The following FNBP1 variants were observed in gnomAD, a reference collection of about 807,000 sequenced individuals.
FNBP1 encodes the protein formin binding protein 1, also known as formin-binding protein 1.
A neutral mutation model predicts 90.6 loss-of-function variants in FNBP1; 26 were observed. That is an observed-to-expected ratio of 0.29 (90% CI 0.21 to 0.40). The LOEUF (loss-of-function observed/expected upper bound fraction) is 0.40, where lower values mean the gene tolerates loss of function less well. FNBP1 is among the 10% of genes least tolerant of loss of function. The pLI is 1.00. For synonymous variants in FNBP1, 260 were observed against 265.2 expected (o/e 0.98, Z 0.19); for missense variants, 635 against 768.0 (o/e 0.83, Z 2.05).
chr9:129,908,204 CTTTTT>C (rs60610339), intron 12 of FNBP1, among the ~76,000 whole-genome samples: 8 of 131,052 alleles, frequency 6.1e-5, no homozygotes, highest in Admixed American at 7.7e-5. Flanking sequence ...GTCTCTCTCT[CTTTTT>C]TTTTTTTTTT....
intron 1 of FNBP1, among the ~76,000 whole-genome samples, chr9:130,008,368 C>T (rs1156716131): frequency 1.3e-5 from 2 of 151,882 alleles, no homozygotes; most frequent in African/African-American, 4.8e-5. Context: ...ACCGAAAAAA[C>T]CACCTAATTT....
chr9:129,953,297 C>T (rs1235552191), intron 6 of FNBP1, among the ~76,000 whole-genome samples: 1 of 151,868 alleles, frequency 6.6e-6, no homozygotes, highest in African/African-American at 2.4e-5. Context: ...ACCAGCCTGG[C>T]CAACATGGTA....
chr9:129,978,872 T>C (rs562756188), intron 3 of FNBP1, among the ~76,000 whole-genome samples: 1 of 152,298 alleles, frequency 6.6e-6, no homozygotes. Context: ...CAAGATATAA[T>C]CCAAAATTCA....
intron 4 of FNBP1, among the ~76,000 whole-genome samples, chr9:129,968,362 T>TCCAG (rs1017611305): frequency 4.6e-5 from 6 of 129,558 alleles, no homozygotes; most frequent in African/African-American, 1.5e-4. Context: ...ACCATTGCAC[T>TCCAG]CCAGCCTGGG....
rs1395793952 is a variant in FNBP1, at chr9:129,957,597, G to C, written c.409-133C>G. 5.4e-6 allele frequency: 4 copies of C among 737,348 alleles called. No homozygotes were observed. In the African/African-American group the frequency reaches 7.1e-5, roughly 13 times the overall value. 45.7% of individuals were successfully genotyped at this position (737,348 alleles called of 1,614,324 possible). On this transcript the variant is annotated intron_variant, in intron 5 of 16. Coordinates refer to ENST00000446176, the MANE Select transcript of FNBP1 (RefSeq NM_015033.3). This position sits in a 1 kb window ranked among gnomAD's most constrained non-coding sequence, Gnocchi z 4.3. The stretch of plus-strand genomic sequence containing the variant: ...GTCAGGGTCTCACTTTGTCACCCAG[G>C]CTGGAGTGCAGTGGCGCCATCTTGG...
chr9:129,890,269 T>TAAAAAA lies in FNBP1; in HGVS notation c.*269_*270insTTTTTT. 1.9e-6 allele frequency: 1 copy of TAAAAAA among 515,860 alleles called. No homozygotes were observed. The highest frequency in any genetic ancestry group is 3.4e-6 in the Non-Finnish European group (1 of 292,062). 32.0% of individuals were successfully genotyped at this position (515,860 alleles called of 1,614,324 possible). On this transcript the variant is annotated 3_prime_UTR_variant, in exon 17 of 17. Coordinates refer to ENST00000446176, the MANE Select transcript of FNBP1 (RefSeq NM_015033.3). The surrounding 1 kb of genome is among the most constrained non-coding windows in gnomAD (Gnocchi z 5.8). ...AGGGGCGTGTGTCCCACCGTCTCAG[T>TAAAAAA]GGCCTGCGCGGGGTGGGGAGGGGGA... is the stretch of plus-strand genomic sequence containing the variant.
At chr9:129,917,752 C>T (rs1282873748) in intron 10 of FNBP1, among the ~76,000 whole-genome samples, 1 of 152,020 alleles carries the variant, frequency 6.6e-6, no homozygotes, top group Non-Finnish European at 1.5e-5. Flanking sequence ...AGGAAAGAAC[C>T]AGAAAGACAA....
chr9:129,927,146 T>C, intron 8 of FNBP1, 49 bp downstream of exon 8: 2 of 1,592,304 alleles, frequency 1.3e-6, no homozygotes, highest in Non-Finnish European at 1.7e-6. Flanking sequence ...TGGGGAGAAA[T>C]AATGGATCTG....
chr9:129,902,828 C>T (rs369638787), intron 13 of FNBP1, 41 bp downstream of exon 13: 2 of 1,607,618 alleles, frequency 1.2e-6, no homozygotes, highest in Non-Finnish European at 1.7e-6. Context: ...AACACCTGTT[C>T]TTCGTTTCCA....
chr9:130,042,831 G>A lies in FNBP1; in HGVS notation c.24+121C>T, dbSNP rs1156598829. Reference sequence around the variant, plus strand: ...GAACCCCGCCTCCTCCCCAGGCCGCGAGGACCCCGACCAGCGCGCCCTCGC... The same window carrying A: ...GAACCCCGCCTCCTCCCCAGGCCGCAAGGACCCCGACCAGCGCGCCCTCGC... On this transcript the variant is annotated intron_variant, in intron 1 of 16. Coordinates refer to ENST00000446176, the MANE Select transcript of FNBP1 (RefSeq NM_015033.3). The surrounding 1 kb of genome is among the most constrained non-coding windows in gnomAD (Gnocchi z 5.5). 5.0e-6 allele frequency: 3 copies of A among 603,692 alleles called. No homozygotes were observed. Among genetic ancestry groups the A allele is most frequent in the Admixed American group, 4.6e-5 (1 of 21,926 alleles). 37.4% of individuals were successfully genotyped at this position (603,692 alleles called of 1,614,324 possible).
chr9:130,053,607 T>C, the FNBP1 span: 1 of 378,322 alleles, frequency 2.6e-6, no homozygotes, highest in Non-Finnish European at 4.8e-6. Flanking sequence ...AGATCAGGGG[T>C]CCCCGGAGCC....
At chr9:129,914,659 GTTTA>G (rs2039927904) in intron 11 of FNBP1, among the ~76,000 whole-genome samples, 1 of 150,298 alleles carries the variant, frequency 6.7e-6, no homozygotes, top group African/African-American at 2.4e-5. Context: ...CCTAAGAAAT[GTTTA>G]TTTAATTTAA....
chr9:130,005,528 A>G lies in FNBP1; in HGVS notation c.25-10570T>C, dbSNP rs759987278. 6.8e-4 allele frequency among the ~76,000 whole-genome samples: 103 copies of G among 152,104 alleles called. No individual in the cohort carries two copies. The Middle Eastern group carries it at 0.01, about 15-fold the overall frequency. On this transcript the variant is annotated intron_variant, in intron 1 of 16. Coordinates refer to ENST00000446176, the MANE Select transcript of FNBP1 (RefSeq NM_015033.3). ...GGCTAATTTTTTGTATTTTTAGTAG[A>G]GATAGGATTTCACCATGTTAGCAAG...
Position 129,900,523 on chromosome 9 carries a change from G to A in FNBP1, c.1453C>T (p.Arg485Trp), listed in dbSNP as rs574719725. 54 of 1,581,054 alleles carry A rather than the reference G, an allele frequency of 3.4e-5. No homozygotes were observed. The highest frequency in any genetic ancestry group is 4.1e-5 in the African/African-American group (3 of 73,328). The change falls in exon 14 of 17, where the codon CGG (arginine) becomes TGG (tryptophan). Residue 485 changes from arginine (R) to tryptophan (W), a missense_variant. Coordinates refer to ENST00000446176, the MANE Select transcript of FNBP1 (RefSeq NM_015033.3). This position sits in a 1 kb window ranked among gnomAD's most constrained non-coding sequence, Gnocchi z 4.1. ...GCCTGCTCGCTGCGTGCTGGGAGCC[G>A]GCCTTCAACCTCAGCCAGCCAGGCC... Reference protein sequence around the residue: ...FEAWLAEVEGRLPARSEQARR... With the variant: ...FEAWLAEVEGWLPARSEQARR...
chr9:129,987,961 T>C (rs930915589), intron 2 of FNBP1, among the ~76,000 whole-genome samples: 5 of 152,052 alleles, frequency 3.3e-5, no homozygotes, highest in African/African-American at 1.2e-4. Flanking sequence ...TACAATGAGC[T>C]CCAATTAAAA....
chr9:129,909,414 C>T (rs2038801480), intron 11 of FNBP1, among the ~76,000 whole-genome samples: 1 of 152,140 alleles, frequency 6.6e-6, no homozygotes. Flanking sequence ...CCCCATCAAC[C>T]ACTGCACGCC....
chr9:129,942,131 C>G (rs1337626805), intron 6 of FNBP1, among the ~76,000 whole-genome samples: 1 of 151,458 alleles, frequency 6.6e-6, no homozygotes, highest in Non-Finnish European at 1.5e-5. Context: ...AATTGTCAAC[C>G]TAGAATTCTA....
rs2131128339 is a variant in FNBP1 at position 129,888,357 on chromosome 9, G to T, written c.*2182C>A. On this transcript the variant is annotated 3_prime_UTR_variant, in exon 17 of 17. Transcript: ENST00000446176. ...TGACTTGGTGAGGTCAGAAGTTCCT[G>T]AAGATCCCTGTCGTCCCCGTTGGCG... The T allele has an allele frequency of 4.3e-6, 1 of 232,804 alleles. No homozygotes were observed. The highest frequency in any genetic ancestry group is 6.1e-5 in the East Asian group (1 of 16,500). 14.4% of individuals were successfully genotyped at this position (232,804 alleles called of 1,614,324 possible).
intron 1 of FNBP1, among the ~76,000 whole-genome samples, chr9:130,014,395 G>T (rs1263672024): frequency 1.3e-5 from 2 of 151,922 alleles, no homozygotes; most frequent in African/African-American, 4.8e-5. Context: ...GGGAATACAG[G>T]TGCACGCCAC....
Sources: allele counts gnomAD v4.1 joint callset (sites outside exome capture counted in the v4.1 genomes callset), GRCh38; gene constraint gnomAD v4.1.1; non-coding constraint Gnocchi (gnomAD v3.1); transcripts MANE v1.5; gene names NCBI Gene and HGNC (gene_info 2026-07-23, HGNC 2026-07-21).